The following PHF14 variants were observed in gnomAD, a reference collection of about 807,000 sequenced individuals.
PHF14 encodes the protein PHD finger protein 14.
PHF14 carries 55 observed loss-of-function variants against 117.9 expected under a neutral mutation model. The observed-to-expected ratio is 0.47, with a 90% CI of 0.38 to 0.58. PHF14 has a LOEUF of 0.58. PHF14 is among the 20% of genes least tolerant of loss of function. The pLI, the probability that PHF14 is intolerant of heterozygous loss-of-function variation, is 0.00. For missense variants in PHF14, 978 were observed against 1,122.2 expected, an observed-to-expected ratio of 0.87 and a Z score of 1.84; for synonymous variants, 409 against 368.6, an observed-to-expected ratio of 1.11 and a Z score of -1.26.
chr7:11,082,489 A>G (rs1252339821), intron 16 of PHF14, among the ~76,000 whole-genome samples: 2 of 152,178 alleles, frequency 1.3e-5, no homozygotes, highest in African/African-American at 4.8e-5. Context: ...TTCAATGTCT[A>G]TTTTGCATTA....
At chr7:11,096,813 T>C (rs576346866) in intron 16 of PHF14, among the ~76,000 whole-genome samples, 11 of 152,164 alleles carry the variant, frequency 7.2e-5, no homozygotes, top group African/African-American at 2.4e-4. Context: ...GTTTCTTGAG[T>C]TTACCAATTT....
At chr7:11,023,019 G>A in intron 6 of PHF14, 40 bp downstream of exon 6, 1 of 1,107,980 alleles carries the variant, frequency 9.0e-7, no homozygotes, top group Non-Finnish European at 1.3e-6. Context: ...AAAGAGAAAG[G>A]TTTTACTTGT....
rs1028458847 is a variant in PHF14, at chr7:10,990,943, G to A, written c.1045+96G>A. On this transcript the variant is annotated intron_variant, in intron 4 of 17. Transcript: ENST00000634607. ...GTTCTACAATATTTCATGGTGTTTC[G>A]GTTGAAATAATGCTAAATCATCAAA... is the stretch of plus-strand genomic sequence containing the variant. 12 of 805,088 alleles carry A rather than the reference G, an allele frequency of 1.5e-5. No homozygotes were observed. In the South Asian group the frequency reaches 1.6e-4, roughly 10 times the overall value. 49.9% of individuals were successfully genotyped at this position (805,088 alleles called of 1,614,324 possible).
rs188650873 is a variant in PHF14, at chr7:11,139,854, A to G, written c.2772+28387A>G. Among the ~76,000 whole-genome samples the G allele has an allele frequency of 1.8e-4, 27 of 152,300 alleles. No homozygotes were observed. The East Asian group carries it at 4.1e-3, about 23-fold the overall frequency. ...TTTTCCATAGGGTATGACTTAGTGT[A>G]CTATTCCTAATAATATTCTAATGCA... On this transcript the variant is annotated intron_variant, in intron 17 of 17. Coordinates refer to ENST00000634607, the MANE Select transcript of PHF14 (RefSeq NM_001007157.2).
At chr7:10,974,693 CCTT>C (rs1432464516) in intron 1 of PHF14, 139 bp from the exon 2 acceptor site, 11 of 616,540 alleles carry the variant, frequency 1.8e-5, no homozygotes, top group East Asian at 1.1e-4. Context: ...TGCACCCCAA[CCTT>C]CTCCTGACCC....
Position 11,140,046 on chromosome 7 carries a change from A to G in PHF14, c.2772+28579A>G, listed in dbSNP as rs544746145. On this transcript the variant is annotated intron_variant, in intron 17 of 17. Coordinates refer to ENST00000634607, the MANE Select transcript of PHF14 (RefSeq NM_001007157.2). ...TACATGTTACCCTGTAACACCTTAC[A>G]CGTTCCTACACACTATTCTGTACAC... 3.9e-5 allele frequency among the ~76,000 whole-genome samples: 6 copies of G among 152,236 alleles called. No individual in the cohort carries two copies. The East Asian group carries it at 1.2e-3, about 29-fold the overall frequency.
chr7:11,106,437 C>T (rs1787268561), intron 16 of PHF14: 1 of 947,020 alleles, frequency 1.1e-6, no homozygotes, highest in Non-Finnish European at 1.3e-6. Flanking sequence ...AGAAACTGCT[C>T]ATGTAGGTAA....
In PHF14 at chr7:11,069,817, C is replaced by G. The variant is rs114266097; in HGVS notation, c.2654+7732C>G. On this transcript the variant is annotated intron_variant, in intron 16 of 17. Coordinates refer to ENST00000634607, the MANE Select transcript of PHF14 (RefSeq NM_001007157.2). ...GAATTACCACCGTGGCTTGGTATTA[C>G]CACCACACCACCATGCCCAGCTGTT... Among the ~76,000 whole-genome samples, 1,062 of 151,470 alleles carry G rather than the reference C, an allele frequency of 7.0e-3. 10 individuals are homozygous for G. Among genetic ancestry groups the G allele is most frequent in the African/African-American group, 0.024 (1,003 of 41,216 alleles).
intron 12 of PHF14, 129 bp downstream of exon 12, chr7:11,040,904 G>A (rs1182817292): frequency 6.3e-6 from 3 of 476,314 alleles, no homozygotes; most frequent in Non-Finnish European, 1.1e-5. Context: ...TGCATTTGAA[G>A]TTCATTTTCT....
chr7:11,056,537 C>T (rs1410031516), intron 14 of PHF14, among the ~76,000 whole-genome samples: 1 of 151,948 alleles, frequency 6.6e-6, no homozygotes, highest in Non-Finnish European at 1.5e-5. Flanking sequence ...AGGGAAAGCA[C>T]TCACTTTTGG....
At chr7:11,048,782 G>A (rs936310401) in intron 13 of PHF14, among the ~76,000 whole-genome samples, 6 of 152,144 alleles carry the variant, frequency 3.9e-5, no homozygotes, top group Admixed American at 3.3e-4. Context: ...TACTCTTGTA[G>A]TCTACTCAGT....
At chr7:11,076,541 C>A (rs114592013) in intron 16 of PHF14, among the ~76,000 whole-genome samples, 1,869 of 146,346 alleles carry the variant, frequency 0.013, 39 homozygotes, top group African/African-American at 0.045. Flanking sequence ...TTTAGAGATG[C>A]TTATCTTGGA....
intron 16 of PHF14, among the ~76,000 whole-genome samples, chr7:11,069,282 C>T (rs1324102976): frequency 6.6e-6 from 1 of 152,060 alleles, no homozygotes; most frequent in Non-Finnish European, 1.5e-5. Flanking sequence ...CTAAAGGATT[C>T]CCAAACAAAG....
At chr7:11,059,508 G>T (rs1408535342) in intron 14 of PHF14, among the ~76,000 whole-genome samples, 2 of 152,194 alleles carry the variant, frequency 1.3e-5, no homozygotes, top group African/African-American at 4.8e-5. Flanking sequence ...AGGTGCAGTG[G>T]TTCACACCTG....
At chr7:11,001,393 C>T (rs1225600208) in intron 4 of PHF14, among the ~76,000 whole-genome samples, 1 of 152,008 alleles carries the variant, frequency 6.6e-6, no homozygotes, top group Non-Finnish European at 1.5e-5. Context: ...TTTGCCTCTC[C>T]ATGTAAACTT....
intron 17 of PHF14, among the ~76,000 whole-genome samples, chr7:11,139,879 A>G (rs1317628104): frequency 4.6e-5 from 7 of 152,152 alleles, no homozygotes; most frequent in Non-Finnish European, 7.4e-5. Flanking sequence ...ATTCTAATGC[A>G]TCATTGTGAC....
intron 4 of PHF14, among the ~76,000 whole-genome samples, chr7:11,012,378 C>T (rs1180382467): frequency 1.3e-5 from 2 of 152,182 alleles, no homozygotes; most frequent in Non-Finnish European, 1.5e-5. Flanking sequence ...GTCCCACAGT[C>T]GGACCTGGGG....
chr7:11,165,264 A>C (rs1583517309), intron 17 of PHF14, among the ~76,000 whole-genome samples: 1 of 152,118 alleles, frequency 6.6e-6, no homozygotes, highest in African/African-American at 2.4e-5. Context: ...TATATTGTAG[A>C]GGGTTTATCT....
intron 13 of PHF14, among the ~76,000 whole-genome samples, chr7:11,046,765 A>G (rs1784678417): frequency 6.6e-6 from 1 of 152,130 alleles, no homozygotes. Flanking sequence ...TACTTGTCTG[A>G]GAAGAATGAT....
Sources: gnomAD v4.1 joint callset for allele counts (sites outside exome capture counted in the v4.1 genomes callset) on GRCh38, gnomAD v4.1.1 for gene constraint, MANE v1.5 for transcripts, NCBI Gene and HGNC (gene_info 2026-07-23, HGNC 2026-07-21) for gene names.